The following ARHGAP20 variants were observed in gnomAD, a reference collection of about 807,000 sequenced individuals.
The protein encoded by ARHGAP20 is Rho GTPase activating protein 20, also known as rho GTPase-activating protein 20.
Under a neutral mutation model 73.7 loss-of-function variants are expected in ARHGAP20, and 34 were observed. The ratio of observed to expected loss-of-function variants is 0.46; its 90% CI spans 0.35 to 0.61. The LOEUF (loss-of-function observed/expected upper bound fraction) is 0.61, where lower values mean the gene tolerates loss of function less well. Ranked by LOEUF, ARHGAP20 falls within the 20% of genes least tolerant of loss-of-function variation. The pLI, the probability that ARHGAP20 is intolerant of heterozygous loss-of-function variation, is 0.00. For missense variants in ARHGAP20, 1,314 were observed against 1,420.9 expected, an observed-to-expected ratio of 0.92 and a Z score of 1.21; for synonymous variants, 523 against 518.2, an observed-to-expected ratio of 1.01 and a Z score of -0.13.
intron 2 of ARHGAP20, among the ~76,000 whole-genome samples, chr11:110,650,012 A>T (rs1024316460): frequency 6.6e-6 from 1 of 152,160 alleles, no homozygotes; most frequent in Non-Finnish European, 1.5e-5. Flanking sequence ...AACTACATGA[A>T]ATCTTTAAAA....
At chr11:110,691,037 T>G in intron 1 of ARHGAP20, 1 of 1,503,368 alleles carries the variant, frequency 6.7e-7, no homozygotes, top group Non-Finnish European at 8.8e-7. Context: ...CAGGCAAATT[T>G]GGCTTCAAGA....
intron 9 of ARHGAP20, among the ~76,000 whole-genome samples, chr11:110,604,303 C>T (rs1181024274): frequency 1.3e-5 from 2 of 152,152 alleles, no homozygotes; most frequent in Non-Finnish European, 2.9e-5. Flanking sequence ...TGGCCCTTGG[C>T]ATCACTGGTC....
chr11:110,594,670 T>A (rs915782626), intron 9 of ARHGAP20, among the ~76,000 whole-genome samples: 1 of 151,908 alleles, frequency 6.6e-6, no homozygotes, highest in African/African-American at 2.4e-5. Context: ...CAAAAAAAGT[T>A]CAGGACCAGA....
chr11:110,662,007 T>C (rs1949623899), intron 2 of ARHGAP20, among the ~76,000 whole-genome samples: 2 of 151,936 alleles, frequency 1.3e-5, no homozygotes, highest in South Asian at 2.1e-4. Context: ...ACGTAAGCAA[T>C]GAATTTACAG....
chr11:110,586,456 G>A lies in ARHGAP20; in HGVS notation c.1306-131C>T, dbSNP rs1947669834. 8 of 429,412 alleles carry A rather than the reference G, an allele frequency of 1.9e-5. 1 individual carries two copies. Among genetic ancestry groups the A allele is most frequent in the Non-Finnish European group, 3.3e-5 (8 of 240,468 alleles). The allele number at this position is 429,412 out of a possible 1,614,324, so 26.6% of individuals were successfully genotyped here. ...TTCTGTGAACTACACAGAGCTCTGC[G>A]CCAACTCTCCATTGACTTGGGGACA... On this transcript the variant is annotated intron_variant, in intron 11 of 14. Transcript: ENST00000683387.
Position 110,590,648 on chromosome 11 carries a change from C to G in ARHGAP20, c.1305G>C (p.Lys435Asn). 1 of 1,613,128 alleles carries G rather than the reference C, an allele frequency of 6.2e-7. No individual in the cohort carries two copies. Among genetic ancestry groups the G allele is most frequent in the South Asian group, 1.1e-5 (1 of 90,912 alleles). ...TGGATAAAGGGATGACTCTTCTTAC[C>G]TTTAAGACAGATGCTATCACAAAAA... Reference protein sequence around the residue: ...ESIFVIASVLKDFLRNIPGSI... With the variant: ...ESIFVIASVLNDFLRNIPGSI... The change falls in exon 11 of 15, where the codon AAG (lysine) becomes AAC (asparagine). Residue 435 changes from lysine (K) to asparagine (N), a missense_variant and splice_region_variant. Lys to Asn is a moderately conservative substitution (Grantham distance 94, BLOSUM62 0). Transcript: ENST00000683387.
rs749046553 is a variant in ARHGAP20 at position 110,580,702 on chromosome 11, G to T, written c.2244C>A (p.Pro748=). 5 of 1,613,748 alleles carry T rather than the reference G, an allele frequency of 3.1e-6. No individual in the cohort carries two copies. Among genetic ancestry groups the T allele is most frequent in the Non-Finnish European group, 3.4e-6 (4 of 1,179,834 alleles). ...AACATGTCTTTCCTTCCTCCTGGAG[G>T]GGTTGATTCTGCTTCAGATAGTCTT... is the stretch of plus-strand genomic sequence containing the variant. ...KDEDYLKQNQ[P]LQEEGKTCFK... The change falls in exon 15 of 15, where the codon CCC becomes CCA. Residue 748 remains proline, a synonymous_variant. Transcript: ENST00000683387.
intron 11 of ARHGAP20, 73 bp downstream of exon 11, chr11:110,590,575 A>G: frequency 7.1e-7 from 1 of 1,416,860 alleles, no homozygotes; most frequent in Non-Finnish European, 9.4e-7. Context: ...AATAATGTTC[A>G]TAATGAAAAA....
chr11:110,634,547 G>A (rs1045949308), intron 2 of ARHGAP20, among the ~76,000 whole-genome samples: 1 of 152,124 alleles, frequency 6.6e-6, no homozygotes, highest in Non-Finnish European at 1.5e-5. Flanking sequence ...CTCCAGCCAT[G>A]GTGATTGAGT....
intron 2 of ARHGAP20, among the ~76,000 whole-genome samples, chr11:110,687,035 C>CATAAATATATATATATATATATAT (rs1950146410): frequency 8.2e-6 from 1 of 121,998 alleles, no homozygotes; most frequent in African/African-American, 3.4e-5. Context: ...AAGATTAAAA[C>CATAAATATATATATATATATATAT]ATATATATAT....
intron 2 of ARHGAP20, among the ~76,000 whole-genome samples, chr11:110,648,226 T>TATATATGTAA (rs1555094953): frequency 8.8e-5 from 7 of 79,308 alleles, no homozygotes; most frequent in African/African-American, 2.6e-4. Context: ...TATATGTATA[T>TATATATGTAA]ATATATATAT....
At chr11:110,698,054 A>G (rs559244954) in intron 1 of ARHGAP20, among the ~76,000 whole-genome samples, 6 of 151,850 alleles carry the variant, frequency 4.0e-5, no homozygotes, top group Admixed American at 6.6e-5. Flanking sequence ...CCAGTCTATG[A>G]GCATGGGATG....
At chr11:110,699,349 T>C (rs1950398870) in intron 1 of ARHGAP20, among the ~76,000 whole-genome samples, 1 of 151,966 alleles carries the variant, frequency 6.6e-6, no homozygotes, top group African/African-American at 2.4e-5. Context: ...TGGAGAATGC[T>C]CCATGCAGAG....
chr11:110,602,231 T>A (rs1016253244), intron 9 of ARHGAP20, among the ~76,000 whole-genome samples: 1 of 151,934 alleles, frequency 6.6e-6, no homozygotes, highest in Non-Finnish European at 1.5e-5. Context: ...TCTTTTTTTT[T>A]TATTACTTAT....
chr11:110,614,200 G>C (rs960702959), intron 6 of ARHGAP20, among the ~76,000 whole-genome samples: 3 of 152,160 alleles, frequency 2.0e-5, no homozygotes, highest in African/African-American at 7.2e-5. Context: ...AATACTCCTT[G>C]TGGAAACAGC....
chr11:110,600,664 A>G (rs1210390147), intron 9 of ARHGAP20, among the ~76,000 whole-genome samples: 1 of 152,248 alleles, frequency 6.6e-6, no homozygotes, highest in Non-Finnish European at 1.5e-5. Flanking sequence ...TTCTGGCCAG[A>G]AAAGTGACAA....
chr11:110,579,552 T>A lies in ARHGAP20; in HGVS notation c.3394A>T (p.Arg1132Ter). ...TGTGACTTCATGCACAGCTTAAGTC[T>A]GCTCTCCACCAGGCTGAATGGAGAG... Reference protein sequence around the residue: ...CSSPFSLVESRLKLCMKSHEE... With the variant: ...CSSPFSLVES Residue 1132 changes from arginine to a stop codon, truncating the protein, a stop_gained, in exon 15 of 15, where the codon AGA becomes TGA. Coordinates refer to ENST00000683387, the MANE Select transcript of ARHGAP20 (RefSeq NM_001384657.1). LOFTEE classifies it low-confidence loss of function (END_TRUNC). 1 of 1,613,820 alleles carries A rather than the reference T, an allele frequency of 6.2e-7. No individual in the cohort carries two copies. The highest frequency in any genetic ancestry group is 1.6e-4 in the Middle Eastern group (1 of 6,062).
intron 9 of ARHGAP20, among the ~76,000 whole-genome samples, chr11:110,602,443 G>A (rs1479051945): frequency 6.6e-6 from 1 of 152,092 alleles, no homozygotes; most frequent in African/African-American, 2.4e-5. Flanking sequence ...CAACTCATAA[G>A]AAAGCAATGG....
At chr11:110,703,395 T>C (rs2135147964) in intron 1 of ARHGAP20, among the ~76,000 whole-genome samples, 1 of 152,172 alleles carries the variant, frequency 6.6e-6, no homozygotes. Flanking sequence ...TGGACCCTAG[T>C]TCTACCACTT....
Sources: allele counts gnomAD v4.1 joint callset (sites outside exome capture counted in the v4.1 genomes callset), GRCh38; gene constraint gnomAD v4.1.1; transcripts MANE v1.5; gene names NCBI Gene and HGNC (gene_info 2026-07-23, HGNC 2026-07-21).